Variants in ZNF143 observed in about 807,000 individuals in gnomAD.
ZNF143 encodes zinc finger protein 143.
A neutral mutation model predicts 74.1 loss-of-function variants in ZNF143; 49 were observed. The observed-to-expected ratio is 0.66, with a 90% CI of 0.53 to 0.84. The LOEUF is 0.84. Among genes scored for constraint, ZNF143 ranks in the 40% least tolerant of loss-of-function variants. ZNF143 has a pLI of 0.00. For synonymous variants in ZNF143, 304 were observed against 282.8 expected (o/e 1.07, Z -0.75); for missense variants, 637 against 793.4 (o/e 0.80, Z 2.37).
intron 7 of ZNF143, among the ~76,000 whole-genome samples, chr11:9,486,370 TA>T (rs1277745646): frequency 0.07 from 3,057 of 43,748 alleles, 309 homozygotes; most frequent in Non-Finnish European, 0.1. Context: ...ATATTATATA[TA>T]ATATATTATA....
At chr11:9,503,699 G>A (rs1210295152) in intron 11 of ZNF143, among the ~76,000 whole-genome samples, 1 of 150,362 alleles carries the variant, frequency 6.7e-6, no homozygotes, top group Non-Finnish European at 1.5e-5. Context: ...CTGGAGTGTA[G>A]TGGTGTGATC....
chr11:9,468,742 G>A (rs1290701809), intron 1 of ZNF143, among the ~76,000 whole-genome samples: 2 of 152,196 alleles, frequency 1.3e-5, no homozygotes, highest in Admixed American at 6.5e-5. Flanking sequence ...CTACTCAGGA[G>A]GCTGAGGCAG....
intron 2 of ZNF143, 79 bp downstream of exon 2, chr11:9,471,499 C>A: frequency 9.6e-7 from 1 of 1,036,682 alleles, no homozygotes. Context: ...CTTCCTAGTT[C>A]CTGATTTAGC....
chr11:9,503,058 C>A (rs1303311691), intron 11 of ZNF143, among the ~76,000 whole-genome samples: 1 of 152,106 alleles, frequency 6.6e-6, no homozygotes. Context: ...GTCTCGATCT[C>A]CTGACCTCGT....
At chr11:9,518,678 C>T (rs1848805595) in intron 14 of ZNF143, among the ~76,000 whole-genome samples, 1 of 151,064 alleles carries the variant, frequency 6.6e-6, no homozygotes, top group Non-Finnish European at 1.5e-5. Flanking sequence ...GATTGCACCA[C>T]TGCACTCCAG....
chr11:9,525,102 T>A (rs896061797), intron 14 of ZNF143, 138 bp from the exon 15 acceptor site: 3 of 997,022 alleles, frequency 3.0e-6, no homozygotes, highest in Non-Finnish European at 4.3e-6. Context: ...CTCCTTTCAA[T>A]ATAGGCTTTG....
At chr11:9,506,257 A>G (rs947307704) in intron 11 of ZNF143, among the ~76,000 whole-genome samples, 14 of 152,124 alleles carry the variant, frequency 9.2e-5, no homozygotes, top group African/African-American at 2.9e-4. Flanking sequence ...ACTTGAATCC[A>G]GGAGGTGGAG....
At chr11:9,511,108 T>TA (rs1848525907) in intron 12 of ZNF143, among the ~76,000 whole-genome samples, 1 of 141,054 alleles carries the variant, frequency 7.1e-6, no homozygotes, top group African/African-American at 2.6e-5. Flanking sequence ...GCTTCTTTTT[T>TA]TTTTTTTTTT....
chr11:9,505,495 C>G (rs1236289024), intron 11 of ZNF143, among the ~76,000 whole-genome samples: 1 of 149,910 alleles, frequency 6.7e-6, no homozygotes, highest in Non-Finnish European at 1.5e-5. Context: ...ATCTTGAACT[C>G]CTGACCTCAG....
At chr11:9,497,524 C>A in intron 9 of ZNF143, 151 bp from the exon 10 acceptor site, 1 of 596,330 alleles carries the variant, frequency 1.7e-6, no homozygotes, top group Non-Finnish European at 2.7e-6. Flanking sequence ...AGCCACCGTG[C>A]CCGGCCCTTT....
intron 2 of ZNF143, 50 bp from the exon 3 acceptor site, chr11:9,472,627 C>A: frequency 1.4e-6 from 2 of 1,457,546 alleles, no homozygotes; most frequent in Admixed American, 1.9e-5. Flanking sequence ...AATTAATCAG[C>A]ATGTCCATAT....
At chr11:9,466,565 G>A (rs1449949861) in intron 1 of ZNF143, among the ~76,000 whole-genome samples, 2 of 151,864 alleles carry the variant, frequency 1.3e-5, no homozygotes, top group Admixed American at 6.6e-5. Context: ...CAAAGTGCTG[G>A]GATTACAGAT....
Position 9,525,829 on chromosome 11 carries a change from T to C in ZNF143, c.1833+443T>C, listed in dbSNP as rs1168708788. On this transcript the variant is annotated intron_variant, in intron 15 of 15. Transcript: ENST00000396602. ...AGAAGACTTAGAAGGAATCATTCTC[T>C]GGGAAGCAGAGAATTTAGAATCTTA... Among the ~76,000 whole-genome samples the C allele has an allele frequency of 2.0e-5, 3 of 152,124 alleles. No homozygotes were observed. In the South Asian group the frequency reaches 6.2e-4, roughly 32 times the overall value.
chr11:9,507,580 A>G (rs1256522420), intron 11 of ZNF143, among the ~76,000 whole-genome samples: 1 of 152,180 alleles, frequency 6.6e-6, no homozygotes, highest in Non-Finnish European at 1.5e-5. Context: ...TACTGTGTAA[A>G]TGAGCTACTT....
intron 7 of ZNF143, among the ~76,000 whole-genome samples, chr11:9,490,120 G>C (rs1189293530): frequency 6.6e-6 from 1 of 151,990 alleles, no homozygotes; most frequent in Non-Finnish European, 1.5e-5. Context: ...GGAGTTGGAG[G>C]GTGCAGTGAG....
intron 11 of ZNF143, among the ~76,000 whole-genome samples, chr11:9,507,324 G>T (rs1191330018): frequency 6.6e-6 from 1 of 151,968 alleles, no homozygotes; most frequent in African/African-American, 2.4e-5. Flanking sequence ...TTCACCACAG[G>T]GTTCTTTTTG....
intron 7 of ZNF143, among the ~76,000 whole-genome samples, chr11:9,489,082 A>G (rs1429967604): frequency 1.3e-5 from 2 of 152,108 alleles, no homozygotes; most frequent in Non-Finnish European, 2.9e-5. Flanking sequence ...TTTTCCAACT[A>G]CTGTATACTG....
chr11:9,515,513 G>T (rs1848691111), intron 13 of ZNF143, among the ~76,000 whole-genome samples: 1 of 151,896 alleles, frequency 6.6e-6, no homozygotes. Context: ...AATTAGCTGG[G>T]CGTGGTGGTG....
intron 13 of ZNF143, among the ~76,000 whole-genome samples, chr11:9,515,514 C>G (rs1309652642): frequency 2.0e-5 from 3 of 151,346 alleles, no homozygotes; most frequent in Non-Finnish European, 2.9e-5. Flanking sequence ...ATTAGCTGGG[C>G]GTGGTGGTGG....
Sources: gnomAD v4.1 joint callset for allele counts (sites outside exome capture counted in the v4.1 genomes callset) on GRCh38, gnomAD v4.1.1 for gene constraint, MANE v1.5 for transcripts, NCBI Gene and HGNC (gene_info 2026-07-23, HGNC 2026-07-21) for gene names.